INPP5D: variants seen among roughly 807,000 people sequenced by gnomAD.
INPP5D encodes the protein phosphatidylinositol 3,4,5-trisphosphate 5-phosphatase 1.
In INPP5D, 33 loss-of-function variants were observed where a neutral mutation model predicts 122.9. That is an observed-to-expected ratio of 0.27 (90% CI 0.20 to 0.36). INPP5D has a LOEUF of 0.36. Ranked by LOEUF, INPP5D falls within the 10% of genes least tolerant of loss-of-function variation. The probability of loss-of-function intolerance (pLI) is 1.00; values close to 1 mark genes in which losing one functional copy is unlikely to be tolerated. For missense variants in INPP5D, 1,053 were observed against 1,412.7 expected (o/e 0.75, Z 4.08); for synonymous variants, 584 against 576.2 (o/e 1.01, Z -0.19).
chr2:233,126,183 G>A (rs892815000), intron 4 of INPP5D, among the ~76,000 whole-genome samples: 1 of 152,254 alleles, frequency 6.6e-6, no homozygotes, highest in Non-Finnish European at 1.5e-5. Context: ...GCCCGGCATA[G>A]TGTGGGCACT....
chr2:233,113,404 A>T (rs960130389), intron 2 of INPP5D, among the ~76,000 whole-genome samples: 1 of 152,136 alleles, frequency 6.6e-6, no homozygotes, highest in Non-Finnish European at 1.5e-5. Context: ...AAGAGAAGGG[A>T]GGGAAGAGGA....
At chr2:233,080,772 C>T (rs569486417) in intron 2 of INPP5D, among the ~76,000 whole-genome samples, 1 of 152,262 alleles carries the variant, frequency 6.6e-6, no homozygotes, top group South Asian at 2.1e-4. Context: ...AGGCAAAAAT[C>T]CTCCAGAAGT....
intron 2 of INPP5D, among the ~76,000 whole-genome samples, chr2:233,085,279 C>T (rs769411371): frequency 1.2e-4 from 18 of 151,712 alleles, no homozygotes; most frequent in Admixed American, 2.0e-4. Flanking sequence ...ACAGCTACTC[C>T]GGAGGCTGAG....
rs1331406773 is a variant in INPP5D at position 233,143,349 on chromosome 2, G to A, written c.754-2813G>A. On this transcript the variant is annotated intron_variant, in intron 6 of 26. Coordinates refer to ENST00000445964, the MANE Select transcript of INPP5D (RefSeq NM_001017915.3). ...AAGTCACAAATCCAAAGAGAGAGCC[G>A]GTGGGGGGCGGGGGACCTGCAATTG... Among the ~76,000 whole-genome samples the A allele has an allele frequency of 6.6e-5, 10 of 152,290 alleles. 1 individual carries two copies. The highest frequency in any genetic ancestry group is 5.2e-4 in the Admixed American group (8 of 15,296).
At chr2:233,195,523 G>T (rs142933644) in intron 24 of INPP5D, 28 bp downstream of exon 24, 64 of 1,612,708 alleles carry the variant, frequency 4.0e-5, no homozygotes, top group East Asian at 3.3e-4. Flanking sequence ...TGGGTGTTGG[G>T]GGGGGTGGAT....
In INPP5D at chr2:233,060,350, T is replaced by C; in HGVS notation, c.-129T>C. 2 of 1,054,626 alleles carry C rather than the reference T, an allele frequency of 1.9e-6. No individual in the cohort carries two copies. Among genetic ancestry groups the C allele is most frequent in the Middle Eastern group, 6.4e-4 (2 of 3,118 alleles). The allele number at this position is 1,054,626 out of a possible 1,614,324, so 65.3% of individuals were successfully genotyped here. On this transcript the variant is annotated 5_prime_UTR_variant, in exon 1 of 27. Transcript: ENST00000445964. Reference sequence around the variant, plus strand: ...GAAACAGGAAGTCAGTCAGTTAAGCTGGTGGCAGCAGCCGAGGCCACCAAG... The same window carrying C: ...GAAACAGGAAGTCAGTCAGTTAAGCCGGTGGCAGCAGCCGAGGCCACCAAG...
At chr2:233,202,493 T>G (rs543531817) in intron 25 of INPP5D, among the ~76,000 whole-genome samples, 3 of 152,222 alleles carry the variant, frequency 2.0e-5, no homozygotes, top group Non-Finnish European at 4.4e-5. Flanking sequence ...CTCCATGGCT[T>G]CTCACCGGCA....
At chr2:233,193,790 C>G (rs1001534047) in intron 22 of INPP5D, 22 bp from the exon 23 acceptor site, 2 of 1,613,658 alleles carry the variant, frequency 1.2e-6, no homozygotes, top group African/African-American at 2.7e-5. Flanking sequence ...CTTCACCCAG[C>G]TGTCTCCCAC....
At chr2:233,137,335 AT>A (rs1183938415) in intron 5 of INPP5D, among the ~76,000 whole-genome samples, 4 of 152,112 alleles carry the variant, frequency 2.6e-5, no homozygotes, top group Non-Finnish European at 5.9e-5. Context: ...TTCATCTCTA[AT>A]TTTTAAAAAT....
intron 1 of INPP5D, among the ~76,000 whole-genome samples, chr2:233,075,767 G>A (rs1177191709): frequency 5.3e-5 from 8 of 152,068 alleles, no homozygotes; most frequent in Non-Finnish European, 1.0e-4. Context: ...GGGCTGATGG[G>A]GTGTGTGTGG....
At chr2:233,155,182 G>A (rs1286592045) in intron 9 of INPP5D, among the ~76,000 whole-genome samples, 2 of 151,914 alleles carry the variant, frequency 1.3e-5, no homozygotes, top group East Asian at 3.8e-4. Context: ...GACAACTCTG[G>A]GGCAATAAAA....
chr2:233,090,066 G>C (rs1297315949), intron 2 of INPP5D, among the ~76,000 whole-genome samples: 2 of 152,344 alleles, frequency 1.3e-5, no homozygotes, highest in Non-Finnish European at 2.9e-5. Context: ...AGCTGTGGAG[G>C]CCTTGAGAAC....
intron 5 of INPP5D, among the ~76,000 whole-genome samples, chr2:233,138,009 A>G (rs1693538539): frequency 6.9e-6 from 1 of 145,442 alleles, no homozygotes; most frequent in South Asian, 2.1e-4. Flanking sequence ...ATGAGATTAT[A>G]TTATATTAAT....
intron 1 of INPP5D, among the ~76,000 whole-genome samples, chr2:233,067,558 C>T (rs1033921130): frequency 3.3e-5 from 5 of 152,204 alleles, no homozygotes; most frequent in Non-Finnish European, 5.9e-5. Context: ...GGGTCTATAT[C>T]TAGGAGCAGA....
At chr2:233,130,706 G>C (rs1559309346) in intron 5 of INPP5D, 58 bp downstream of exon 5, 2 of 1,577,970 alleles carry the variant, frequency 1.3e-6, no homozygotes, top group East Asian at 2.2e-5. Context: ...GAGAGAAACA[G>C]CTCATGAGAG....
intron 2 of INPP5D, among the ~76,000 whole-genome samples, chr2:233,099,506 A>G (rs1048386618): frequency 6.6e-6 from 1 of 152,224 alleles, no homozygotes; most frequent in Non-Finnish European, 1.5e-5. Flanking sequence ...AGCCAGGCCC[A>G]TCTCTCTCCC....
intron 2 of INPP5D, among the ~76,000 whole-genome samples, chr2:233,106,376 T>C (rs1692470725): frequency 6.6e-6 from 1 of 152,222 alleles, no homozygotes; most frequent in African/African-American, 2.4e-5. Context: ...CCATCCTTTC[T>C]TATGGCAGAT....
chr2:233,150,953 G>T (rs1410535236), intron 9 of INPP5D, among the ~76,000 whole-genome samples: 2 of 152,230 alleles, frequency 1.3e-5, no homozygotes, highest in Admixed American at 6.5e-5. Context: ...CGGGACAGGG[G>T]GTTAGTGAAA....
chr2:233,104,050 G>A (rs1263671333), intron 2 of INPP5D, among the ~76,000 whole-genome samples: 110 of 123,602 alleles, frequency 8.9e-4, no homozygotes, highest in African/African-American at 3.3e-3. Flanking sequence ...TTGCTCTGTC[G>A]CCCAGGCTGG....
Sources: gnomAD v4.1 joint callset for allele counts (sites outside exome capture counted in the v4.1 genomes callset) on GRCh38, gnomAD v4.1.1 for gene constraint, MANE v1.5 for transcripts, NCBI Gene and HGNC (gene_info 2026-07-23, HGNC 2026-07-21) for gene names.